ATE1: variants seen among roughly 807,000 people sequenced by gnomAD.
The protein encoded by ATE1 is arginyl-tRNA--protein transferase 1.
ATE1 carries 36 observed loss-of-function variants against 70.5 expected under a neutral mutation model. That is an observed-to-expected ratio of 0.51 (90% CI 0.39 to 0.67). The LOEUF is 0.67. Ranked by LOEUF, ATE1 falls within the 30% of genes least tolerant of loss-of-function variation. The pLI, the probability that ATE1 is intolerant of heterozygous loss-of-function variation, is 0.00. For missense variants in ATE1, 593 were observed against 629.5 expected (o/e 0.94, Z 0.62); for synonymous variants, 232 against 219.3 (o/e 1.06, Z -0.51).
chr10:121,860,120 T>C (rs1025784455), intron 8 of ATE1, among the ~76,000 whole-genome samples: 3 of 152,146 alleles, frequency 2.0e-5, no homozygotes, highest in Non-Finnish European at 2.9e-5. Flanking sequence ...TATCTAAGAA[T>C]GAGAAAACGC....
chr10:121,878,613 GA>G (rs149539526), intron 7 of ATE1, among the ~76,000 whole-genome samples: 1 of 147,862 alleles, frequency 6.8e-6, no homozygotes, highest in African/African-American at 2.5e-5. Context: ...GAAAAGAAAA[GA>G]AAAAAAAATC....
At chr10:121,800,948 CCT>C (rs1946854606) in intron 10 of ATE1, among the ~76,000 whole-genome samples, 1 of 152,174 alleles carries the variant, frequency 6.6e-6, no homozygotes, top group African/African-American at 2.4e-5. Flanking sequence ...CCCCTTGCTC[CCT>C]GATTTCATTA....
At chr10:121,793,850 G>A (rs1475242938) in intron 10 of ATE1, among the ~76,000 whole-genome samples, 1 of 151,982 alleles carries the variant, frequency 6.6e-6, no homozygotes, top group Non-Finnish European at 1.5e-5. Flanking sequence ...TTTAAAAATG[G>A]GCTCTGGGTT....
At chr10:121,914,730 A>G (rs1474602677) in intron 3 of ATE1, among the ~76,000 whole-genome samples, 3 of 152,194 alleles carry the variant, frequency 2.0e-5, no homozygotes, top group Admixed American at 2.0e-4. Flanking sequence ...GCAAACTTGC[A>G]GGAAAGAGTA....
At chr10:121,853,837 G>C (rs976012038) in intron 8 of ATE1, among the ~76,000 whole-genome samples, 7 of 152,162 alleles carry the variant, frequency 4.6e-5, no homozygotes, top group African/African-American at 1.7e-4. Context: ...GGCACCAACA[G>C]ATTTGGTGTC....
At chr10:121,766,447 CTGAAAAG>C (rs528856997) in intron 11 of ATE1, among the ~76,000 whole-genome samples, 9 of 152,210 alleles carry the variant, frequency 5.9e-5, no homozygotes, top group Admixed American at 5.9e-4. Flanking sequence ...TACAAAGACT[CTGAAAAG>C]TGAGAGAAGA....
At chr10:121,787,073 C>T (rs147818734) in intron 11 of ATE1, among the ~76,000 whole-genome samples, 929 of 152,264 alleles carry the variant, frequency 6.1e-3, no homozygotes, top group South Asian at 0.016. Context: ...CCTCCCCCCA[C>T]AGTACCGCAA....
chr10:121,895,266 C>T (rs1209414652), intron 7 of ATE1, among the ~76,000 whole-genome samples: 2 of 152,262 alleles, frequency 1.3e-5, no homozygotes, highest in Non-Finnish European at 1.5e-5. Context: ...CACATAAAAA[C>T]GTGAACGTGA....
intron 7 of ATE1, among the ~76,000 whole-genome samples, chr10:121,883,462 A>G (rs1170877055): frequency 6.6e-6 from 1 of 152,216 alleles, no homozygotes; most frequent in Non-Finnish European, 1.5e-5. Flanking sequence ...AGCAAGAAAG[A>G]GAAAGGATAA....
intron 10 of ATE1, among the ~76,000 whole-genome samples, chr10:121,832,856 T>C (rs74693031): frequency 6.6e-6 from 1 of 152,344 alleles, no homozygotes; most frequent in East Asian, 1.9e-4. Context: ...TTCAGTAATA[T>C]ATGCCTTTCC....
At chr10:121,791,384 G>T (rs578135018) in intron 10 of ATE1, among the ~76,000 whole-genome samples, 2 of 151,950 alleles carry the variant, frequency 1.3e-5, no homozygotes, top group East Asian at 3.9e-4. Flanking sequence ...ATGAGCCACC[G>T]TGCCTGGCCA....
intron 9 of ATE1, among the ~76,000 whole-genome samples, chr10:121,839,939 G>T (rs1379311732): frequency 2.6e-5 from 4 of 152,116 alleles, no homozygotes; most frequent in Non-Finnish European, 5.9e-5. Flanking sequence ...ACGTGAAAAC[G>T]TGACCATCAG....
chr10:121,870,510 A>G (rs1949816465), intron 7 of ATE1, among the ~76,000 whole-genome samples: 1 of 152,146 alleles, frequency 6.6e-6, no homozygotes, highest in South Asian at 2.1e-4. Flanking sequence ...AGGTCAGGTG[A>G]GTGAGAATGA....
At chr10:121,829,012 G>A (rs1948131697) in intron 10 of ATE1, among the ~76,000 whole-genome samples, 1 of 152,064 alleles carries the variant, frequency 6.6e-6, no homozygotes. Context: ...AATTACCTAT[G>A]TCCTCCTAAG....
At chr10:121,888,219 C>G (rs1392730442) in intron 7 of ATE1, among the ~76,000 whole-genome samples, 1 of 152,068 alleles carries the variant, frequency 6.6e-6, no homozygotes, top group Non-Finnish European at 1.5e-5. Context: ...ACAGTGAAAC[C>G]CTGTCTCTTC....
chr10:121,849,581 T>C (rs983958097), intron 8 of ATE1, among the ~76,000 whole-genome samples: 1 of 152,212 alleles, frequency 6.6e-6, no homozygotes, highest in Non-Finnish European at 1.5e-5. Flanking sequence ...ATAAGCTATA[T>C]ACCTATCTAC....
At chr10:121,828,854 G>A (rs1159407834) in intron 10 of ATE1, among the ~76,000 whole-genome samples, 1 of 152,138 alleles carries the variant, frequency 6.6e-6, no homozygotes, top group Non-Finnish European at 1.5e-5. Context: ...TGTTATTTCA[G>A]ACCTGCTGTT....
At chr10:121,900,406 A>T (rs1950934698) in intron 6 of ATE1, among the ~76,000 whole-genome samples, 1 of 152,212 alleles carries the variant, frequency 6.6e-6, no homozygotes, top group Non-Finnish European at 1.5e-5. Context: ...ATCATTGCTA[A>T]CCCTCAACTT....
chr10:121,843,316 A>T (rs1045089263), intron 8 of ATE1, among the ~76,000 whole-genome samples: 7 of 152,224 alleles, frequency 4.6e-5, no homozygotes, highest in Admixed American at 6.5e-5. Flanking sequence ...GAAAAATATT[A>T]TGTGTGCATG....
Sources: gnomAD v4.1 joint callset for allele counts (sites outside exome capture counted in the v4.1 genomes callset) on GRCh38, gnomAD v4.1.1 for gene constraint, MANE v1.5 for transcripts, NCBI Gene and HGNC (gene_info 2026-07-23, HGNC 2026-07-21) for gene names.